The following DIAPH2 variants were observed in gnomAD, a reference collection of about 807,000 sequenced individuals.
DIAPH2 encodes the protein diaphanous related formin 2.
In DIAPH2, 35 loss-of-function variants were observed where a neutral mutation model predicts 92.7. The observed-to-expected ratio is 0.38, with a 90% CI of 0.29 to 0.50. The LOEUF is 0.50. Ranked by LOEUF, DIAPH2 falls within the 20% of genes least tolerant of loss-of-function variation. DIAPH2 has a pLI of 0.94. For synonymous variants in DIAPH2, 301 were observed against 280.4 expected, an observed-to-expected ratio of 1.07 and a Z score of -0.73; for missense variants, 701 against 819.5, an observed-to-expected ratio of 0.86 and a Z score of 1.77.
At chrX:96,732,005 T>TG (rs1428865680) in intron 1 of DIAPH2, among the ~76,000 whole-genome samples, 1 of 110,836 alleles carries the variant, frequency 9.0e-6, no homozygotes, top group African/African-American at 3.3e-5. Context: ...TAAAGATTTT[T>TG]GGGGGGGTCA....
At chrX:96,820,232 G>A (rs1269800382) in intron 4 of DIAPH2, among the ~76,000 whole-genome samples, 1 of 112,451 alleles carries the variant, frequency 8.9e-6, no homozygotes, top group Non-Finnish European at 1.9e-5. Flanking sequence ...CAGTTTGGGA[G>A]GCCGAGGCAG....
At chrX:97,313,218 T>C (rs1382953777) in intron 23 of DIAPH2, among the ~76,000 whole-genome samples, 1 of 110,904 alleles carries the variant, frequency 9.0e-6, no homozygotes, top group Non-Finnish European at 1.9e-5. Flanking sequence ...CAGGCAGCTT[T>C]TTTGTTGCTG....
chrX:96,881,014 C>T (rs1013465914), intron 4 of DIAPH2, among the ~76,000 whole-genome samples: 1 of 111,730 alleles, frequency 9.0e-6, no homozygotes, highest in Non-Finnish European at 1.9e-5. Context: ...TAATTGGGAA[C>T]TGGTGAATGC....
At position 96,962,404 on chromosome X, in the gene DIAPH2, C is replaced by T. The variant is rs369923056; in HGVS notation, c.1936-2689C>T. Among the ~76,000 whole-genome samples, 395 of 48,755 alleles carry T rather than the reference C, an allele frequency of 8.1e-3. 17 individuals carry two copies. The highest frequency in any genetic ancestry group is 0.021 in the Middle Eastern group (2 of 96). The allele number at this position is 48,755 out of a possible 115,157, so 42.3% of individuals were successfully genotyped here. The stretch of plus-strand genomic sequence containing the variant: ...ACACATATATATACACATATATATA[C>T]ACATATATATATACACATATATATA... On this transcript the variant is annotated intron_variant, in intron 16 of 26. Transcript: ENST00000324765.
chrX:96,783,806 T>C (rs988629904), intron 4 of DIAPH2, among the ~76,000 whole-genome samples: 2 of 112,270 alleles, frequency 1.8e-5, no homozygotes, highest in Non-Finnish European at 3.8e-5. Flanking sequence ...AATCTGCTGG[T>C]ATCTTAAAAT....
chrX:96,731,967 T>C (rs1371055220), intron 1 of DIAPH2, among the ~76,000 whole-genome samples: 1 of 111,479 alleles, frequency 9.0e-6, no homozygotes, highest in Non-Finnish European at 1.9e-5. Context: ...CTTTAATCAG[T>C]GCTTTTAATT....
chrX:96,739,674 A>C lies in DIAPH2; in HGVS notation c.342+912A>C, dbSNP rs768492270. On this transcript the variant is annotated intron_variant, in intron 3 of 26. Coordinates refer to ENST00000324765, the MANE Select transcript of DIAPH2 (RefSeq NM_006729.5). ...ATATTTGTTGGTAGCTGTTGAATGAATCCAAACAAAATTTCCCTTTAAAAT... is the reference window on the plus strand; with the variant it reads ...ATATTTGTTGGTAGCTGTTGAATGACTCCAAACAAAATTTCCCTTTAAAAT... 3.6e-5 allele frequency among the ~76,000 whole-genome samples: 4 copies of C among 111,856 alleles called. No homozygotes were observed. In the South Asian group the frequency reaches 1.5e-3, roughly 42 times the overall value.
intron 4 of DIAPH2, among the ~76,000 whole-genome samples, chrX:96,811,132 G>T (rs910062948): frequency 9.0e-6 from 1 of 111,664 alleles, no homozygotes; most frequent in Non-Finnish European, 1.9e-5. Context: ...TCATGATATT[G>T]ATTCTTCCTA....
chrX:96,806,188 A>G (rs1242371136), intron 4 of DIAPH2, among the ~76,000 whole-genome samples: 4 of 111,606 alleles, frequency 3.6e-5, no homozygotes, highest in East Asian at 2.8e-4. Context: ...TCGTGTCACA[A>G]ATTTCTACCT....
intron 26 of DIAPH2, among the ~76,000 whole-genome samples, chrX:97,434,745 G>A (rs2070164456): frequency 9.0e-6 from 1 of 111,513 alleles, no homozygotes; most frequent in Non-Finnish European, 1.9e-5. Context: ...AAGAAAAGGA[G>A]TGGTGATAGT....
intron 21 of DIAPH2, among the ~76,000 whole-genome samples, chrX:97,120,614 G>GTTTTTTTTTTTT (rs139009030): frequency 1.3e-5 from 1 of 75,849 alleles, no homozygotes; most frequent in African/African-American, 5.4e-5. Flanking sequence ...TTTTTTGTGG[G>GTTTTTTTTTTTT]TTTTTTTTTT....
intron 22 of DIAPH2, among the ~76,000 whole-genome samples, chrX:97,219,895 T>C (rs2067910998): frequency 1.8e-5 from 2 of 112,121 alleles, no homozygotes; most frequent in African/African-American, 3.2e-5. Flanking sequence ...TACTCATCGT[T>C]GAGAATTATA....
chrX:97,053,588 T>C (rs767888852), intron 17 of DIAPH2, among the ~76,000 whole-genome samples: 45 of 111,253 alleles, frequency 4.0e-4, no homozygotes, highest in Non-Finnish European at 7.7e-4. Context: ...ATTTTTAGAA[T>C]AGGGAAACAC....
intron 10 of DIAPH2, among the ~76,000 whole-genome samples, chrX:96,935,229 T>G (rs1193675797): frequency 8.9e-6 from 1 of 111,877 alleles, no homozygotes; most frequent in Non-Finnish European, 1.9e-5. Flanking sequence ...GATACCCATC[T>G]TATTATTTGT....
intron 26 of DIAPH2, among the ~76,000 whole-genome samples, chrX:97,571,454 A>C (rs2071369373): frequency 8.9e-6 from 1 of 111,750 alleles, no homozygotes; most frequent in Non-Finnish European, 1.9e-5. Context: ...TTTTGAGTAC[A>C]TTAAAAATAC....
At chrX:96,726,823 A>G (rs934493143) in intron 1 of DIAPH2, among the ~76,000 whole-genome samples, 3 of 112,175 alleles carry the variant, frequency 2.7e-5, no homozygotes, top group African/African-American at 3.2e-5. Flanking sequence ...GATTATTGTG[A>G]GGATTTAAAC....
rs761671101 is a variant in DIAPH2, at chrX:97,292,068, A to T, written c.2844+44229A>T. On this transcript the variant is annotated intron_variant, in intron 23 of 26. Coordinates refer to ENST00000324765, the MANE Select transcript of DIAPH2 (RefSeq NM_006729.5). ...GCTAGTTTTATTAGCTACTTATAGA[A>T]GCAATTTTTTTTTTTTTTTTTTGAG... Among the ~76,000 whole-genome samples, 53 of 78,937 alleles carry T rather than the reference A, an allele frequency of 6.7e-4. 1 individual carries two copies. Among genetic ancestry groups the T allele is most frequent in the African/African-American group, 2.3e-3 (53 of 23,485 alleles). 68.5% of individuals were successfully genotyped at this position (78,937 alleles called of 115,157 possible).
Position 97,603,227 on chromosome X carries a change from A to ACTT in DIAPH2, c.*3911_*3913dup, listed in dbSNP as rs1332467843. 1 of 107,148 alleles carries ACTT rather than the reference A, an allele frequency of 9.3e-6. No individual in the cohort carries two copies. Among genetic ancestry groups the ACTT allele is most frequent in the African/African-American group, 3.4e-5 (1 of 29,170 alleles). 8.8% of individuals were successfully genotyped at this position (107,148 alleles called of 1,213,427 possible). A position where few individuals can be genotyped will look rare whatever the true frequency, so the allele number is the denominator to read the frequency against. On this transcript the variant is annotated 3_prime_UTR_variant, in exon 27 of 27. Coordinates refer to ENST00000324765, the MANE Select transcript of DIAPH2 (RefSeq NM_006729.5). ...CATCAGATACTGATTCCTTTTGTCCACTTATATAGTTATTTTCTCTTTAAA... is the reference window on the plus strand; with the variant it reads ...CATCAGATACTGATTCCTTTTGTCCACTTCTTATATAGTTATTTTCTCTTTAAA...
chrX:96,767,993 T>C (rs2064314863), intron 4 of DIAPH2, among the ~76,000 whole-genome samples: 1 of 112,207 alleles, frequency 8.9e-6, no homozygotes, highest in Non-Finnish European at 1.9e-5. Flanking sequence ...AAAACTGAAT[T>C]ACTTTTTTCA....
Sources: allele counts gnomAD v4.1 joint callset (sites outside exome capture counted in the v4.1 genomes callset), GRCh38; gene constraint gnomAD v4.1.1; transcripts MANE v1.5; gene names NCBI Gene and HGNC (gene_info 2026-07-23, HGNC 2026-07-21).